KHDRBS2: variants seen among roughly 807,000 people sequenced by gnomAD.
The protein encoded by KHDRBS2 is KH domain-containing, RNA-binding, signal transduction-associated protein 2.
A neutral mutation model predicts 44.3 loss-of-function variants in KHDRBS2; 26 were observed. The ratio of observed to expected loss-of-function variants is 0.59; its 90% CI spans 0.43 to 0.81. The LOEUF (loss-of-function observed/expected upper bound fraction) is 0.81, where lower values mean the gene tolerates loss of function less well. Among genes scored for constraint, KHDRBS2 ranks in the 40% least tolerant of loss-of-function variants. The pLI is 0.00. For synonymous variants in KHDRBS2, 194 were observed against 151.1 expected, an observed-to-expected ratio of 1.28 and a Z score of -2.08; for missense variants, 476 against 433.1, an observed-to-expected ratio of 1.10 and a Z score of -0.88.
chr6:61,702,294 G>A (rs2127546350), intron 7 of KHDRBS2, among the ~76,000 whole-genome samples: 1 of 152,002 alleles, frequency 6.6e-6, no homozygotes, highest in South Asian at 2.1e-4. Context: ...GTAACTGGCT[G>A]GAAATGGCAA....
intron 6 of KHDRBS2, among the ~76,000 whole-genome samples, chr6:61,836,651 G>T (rs1792731413): frequency 6.6e-6 from 1 of 151,962 alleles, no homozygotes; most frequent in African/African-American, 2.4e-5. Flanking sequence ...GAAATAAAAT[G>T]GATGTCTATG....
At chr6:61,958,691 T>C (rs1767967624) in intron 4 of KHDRBS2, among the ~76,000 whole-genome samples, 1 of 152,188 alleles carries the variant, frequency 6.6e-6, no homozygotes, top group African/African-American at 2.4e-5. Context: ...TAAATATTCT[T>C]ACTTTACAGA....
intron 6 of KHDRBS2, among the ~76,000 whole-genome samples, chr6:61,862,907 C>T (rs1797211336): frequency 6.6e-6 from 1 of 151,990 alleles, no homozygotes; most frequent in South Asian, 2.1e-4. Context: ...ACCAGCTCTT[C>T]TTTGTCCCTC....
intron 4 of KHDRBS2, among the ~76,000 whole-genome samples, chr6:61,946,210 T>C (rs1251834965): frequency 1.1e-4 from 16 of 152,346 alleles, no homozygotes; most frequent in Admixed American, 5.9e-4. Flanking sequence ...TGTGTACTAC[T>C]CTCTCCTCTT....
chr6:62,011,977 A>T (rs184633928), intron 3 of KHDRBS2, among the ~76,000 whole-genome samples: 1 of 152,302 alleles, frequency 6.6e-6, no homozygotes, highest in Non-Finnish European at 1.5e-5. Flanking sequence ...ACAAGAAAAA[A>T]GTGGTAGGGT....
chr6:61,672,318 G>T, the KHDRBS2 span, among the ~76,000 whole-genome samples: 1 of 152,002 alleles, frequency 6.6e-6, no homozygotes. Context: ...GTGTGCATGT[G>T]TCTTTATAGC....
chr6:61,824,699 A>G (rs1314691345), intron 6 of KHDRBS2, among the ~76,000 whole-genome samples: 6 of 152,182 alleles, frequency 3.9e-5, no homozygotes. Flanking sequence ...TATAACATAC[A>G]TAACTAGGGA....
chr6:61,576,180 G>C, the KHDRBS2 span, among the ~76,000 whole-genome samples: 93,521 of 151,888 alleles, frequency 0.62, 29,026 homozygotes, highest in Non-Finnish European at 0.65. Flanking sequence ...CGGGCAGTAT[G>C]ATCATTTTAA....
intron 2 of KHDRBS2, among the ~76,000 whole-genome samples, chr6:62,161,693 TG>T (rs1278991927): frequency 3.3e-5 from 5 of 151,924 alleles, no homozygotes; most frequent in Non-Finnish European, 7.4e-5. Context: ...ATAGCATTTT[TG>T]TCCCTCATTT....
chr6:61,876,576 G>T lies in KHDRBS2; in HGVS notation c.810+18059C>A, dbSNP rs1324699208. ...ATCTGCCTGGTGCCTTCATCACCTA[G>T]ACTTCTGAGGCTCTGCTGAAAATGA... On this transcript the variant is annotated intron_variant, in intron 6 of 8. Transcript: ENST00000281156. Among the ~76,000 whole-genome samples, 4 of 151,982 alleles carry T rather than the reference G, an allele frequency of 2.6e-5. No homozygotes were observed. The East Asian group carries it at 7.7e-4, about 29-fold the overall frequency.
At chr6:61,672,268 C>A in the KHDRBS2 span, among the ~76,000 whole-genome samples, 1 of 151,722 alleles carries the variant, frequency 6.6e-6, no homozygotes, top group Admixed American at 6.6e-5. Flanking sequence ...GGGTTGGTTC[C>A]AAGTCTTTGC....
At chr6:61,881,616 A>G (rs1370307026) in intron 6 of KHDRBS2, among the ~76,000 whole-genome samples, 18 of 152,146 alleles carry the variant, frequency 1.2e-4, no homozygotes, top group Non-Finnish European at 5.9e-5. Context: ...ATTCTGGTGC[A>G]GTGCAACCAC....
chr6:61,746,674 G>A (rs1274150941), intron 6 of KHDRBS2, among the ~76,000 whole-genome samples: 4 of 152,002 alleles, frequency 2.6e-5, no homozygotes, highest in African/African-American at 7.2e-5. Flanking sequence ...ACCCAGTAAC[G>A]GGATTGCTGG....
intron 6 of KHDRBS2, among the ~76,000 whole-genome samples, chr6:61,777,116 C>T (rs1376622000): frequency 5.3e-5 from 8 of 151,188 alleles, no homozygotes; most frequent in African/African-American, 1.9e-4. Context: ...GGAAGGGGAA[C>T]ATCACACACC....
chr6:61,952,988 T>G (rs1765088558), intron 4 of KHDRBS2, among the ~76,000 whole-genome samples: 1 of 152,008 alleles, frequency 6.6e-6, no homozygotes, highest in Non-Finnish European at 1.5e-5. Context: ...GAACTTACTC[T>G]TTTTGTTATA....
intron 3 of KHDRBS2, among the ~76,000 whole-genome samples, chr6:62,014,803 T>C (rs1174698872): frequency 3.3e-5 from 5 of 152,170 alleles, no homozygotes; most frequent in Non-Finnish European, 5.9e-5. Flanking sequence ...ATGGGAATGT[T>C]ACTATTTTTG....
At chr6:61,821,546 G>C (rs1357249510) in intron 6 of KHDRBS2, among the ~76,000 whole-genome samples, 1 of 151,954 alleles carries the variant, frequency 6.6e-6, no homozygotes, top group Non-Finnish European at 1.5e-5. Flanking sequence ...ACACTTCTAA[G>C]ATCAACTATC....
chr6:61,947,089 C>A (rs1415804137), intron 4 of KHDRBS2, among the ~76,000 whole-genome samples: 6 of 152,124 alleles, frequency 3.9e-5, no homozygotes, highest in Non-Finnish European at 8.8e-5. Flanking sequence ...TGAAGAAGAT[C>A]TTAAGCATCT....
intron 6 of KHDRBS2, among the ~76,000 whole-genome samples, chr6:61,860,808 T>A (rs897776774): frequency 6.6e-6 from 1 of 152,096 alleles, no homozygotes; most frequent in South Asian, 2.1e-4. Flanking sequence ...TCTTTCACAA[T>A]GGTTGAACTA....
Sources: gnomAD v4.1 joint callset for allele counts (sites outside exome capture counted in the v4.1 genomes callset) on GRCh38, gnomAD v4.1.1 for gene constraint, MANE v1.5 for transcripts, NCBI Gene and HGNC (gene_info 2026-07-23, HGNC 2026-07-21) for gene names.